The following CACNB4 variants were observed in gnomAD, a reference collection of about 807,000 sequenced individuals.
CACNB4 encodes calcium voltage-gated channel auxiliary subunit beta 4.
Under a neutral mutation model 71.2 loss-of-function variants are expected in CACNB4, and 32 were observed. The observed-to-expected ratio is 0.45, with a 90% confidence interval of 0.34 to 0.60. The LOEUF (loss-of-function observed/expected upper bound fraction) is 0.60, where lower values mean the gene tolerates loss of function less well. Among genes scored for constraint, CACNB4 ranks in the 20% least tolerant of loss-of-function variants. The pLI, the probability that CACNB4 is intolerant of heterozygous loss-of-function variation, is 0.01. For synonymous variants in CACNB4, 231 were observed against 236.9 expected (o/e 0.97, Z 0.23); for missense variants, 464 against 647.9 (o/e 0.72, Z 3.08).
chr2:151,971,506 G>C, intron 2 of CACNB4: 1 of 702,618 alleles, frequency 1.4e-6, no homozygotes. Flanking sequence ...GACCTGTTCC[G>C]AGAGCTCTGC....
At chr2:152,046,888 T>C (rs1335728027) in intron 2 of CACNB4, among the ~76,000 whole-genome samples, 1 of 152,150 alleles carries the variant, frequency 6.6e-6, no homozygotes, top group African/African-American at 2.4e-5. Flanking sequence ...TCTCTGACTA[T>C]CCTGGGCTAT....
intron 9 of CACNB4, among the ~76,000 whole-genome samples, chr2:151,865,156 C>T (rs2099842751): frequency 6.6e-6 from 1 of 152,162 alleles, no homozygotes; most frequent in South Asian, 2.1e-4. Flanking sequence ...TGTTCTTTTT[C>T]CATTTGTTGA....
chr2:151,955,715 G>A (rs1159545504), intron 2 of CACNB4, among the ~76,000 whole-genome samples: 6 of 152,074 alleles, frequency 3.9e-5, no homozygotes, highest in East Asian at 1.9e-4. Context: ...AACCAGCCCC[G>A]GCAACATAGT....
chr2:151,881,323 G>T (rs1015264961), intron 3 of CACNB4, among the ~76,000 whole-genome samples: 3 of 152,096 alleles, frequency 2.0e-5, no homozygotes, highest in African/African-American at 7.2e-5. Flanking sequence ...AAAAAGGTGG[G>T]AAGAGGATAA....
At chr2:151,884,683 T>C (rs1446975324) in intron 2 of CACNB4, among the ~76,000 whole-genome samples, 4 of 148,392 alleles carry the variant, frequency 2.7e-5, no homozygotes, top group African/African-American at 9.9e-5. Context: ...GTCTGACTGA[T>C]GTGGCGAAGT....
At chr2:151,955,535 T>C (rs2099868040) in intron 2 of CACNB4, among the ~76,000 whole-genome samples, 1 of 152,136 alleles carries the variant, frequency 6.6e-6, no homozygotes, top group Non-Finnish European at 1.5e-5. Flanking sequence ...ATGGGGCAGA[T>C]GCTGCTATGG....
chr2:152,081,488 A>G (rs1464606188), intron 2 of CACNB4, among the ~76,000 whole-genome samples: 2 of 152,048 alleles, frequency 1.3e-5, no homozygotes, highest in Non-Finnish European at 2.9e-5. Context: ...CCTGTCAATA[A>G]AAAAGAAAAA....
intron 2 of CACNB4, among the ~76,000 whole-genome samples, chr2:151,920,184 T>A (rs1324576774): frequency 1.3e-5 from 2 of 152,202 alleles, no homozygotes; most frequent in Non-Finnish European, 2.9e-5. Flanking sequence ...ATAGAACAAT[T>A]TCTATTTCTA....
chr2:151,923,810 G>A (rs2099859540), intron 2 of CACNB4, among the ~76,000 whole-genome samples: 1 of 152,088 alleles, frequency 6.6e-6, no homozygotes, highest in Non-Finnish European at 1.5e-5. Flanking sequence ...GTTTCCTCAC[G>A]ACTAAAATGT....
intron 2 of CACNB4, among the ~76,000 whole-genome samples, chr2:152,035,068 C>G (rs1227622719): frequency 6.6e-6 from 1 of 152,170 alleles, no homozygotes; most frequent in Non-Finnish European, 1.5e-5. Context: ...TAATCCAATG[C>G]CCTTCAAAAT....
intron 2 of CACNB4, among the ~76,000 whole-genome samples, chr2:151,998,542 G>A (rs1283796323): frequency 6.6e-6 from 1 of 152,044 alleles, no homozygotes; most frequent in African/African-American, 2.4e-5. Flanking sequence ...AGTGCCATTT[G>A]CCTCACAAGA....
intron 2 of CACNB4, among the ~76,000 whole-genome samples, chr2:152,067,393 G>A (rs550315065): frequency 8.8e-4 from 130 of 146,930 alleles, no homozygotes; most frequent in Non-Finnish European, 1.6e-3. Context: ...GTGTGTGGGG[G>A]GGGGGGTGCC....
chr2:151,860,393 T>TGA, intron 10 of CACNB4: 1 of 366,002 alleles, frequency 2.7e-6, no homozygotes, highest in Non-Finnish European at 5.0e-6. Flanking sequence ...ATGACAGATA[T>TGA]CATTAGCCTT....
At chr2:151,973,832 C>T (rs1193171665) in intron 2 of CACNB4, 2 of 1,504,808 alleles carry the variant, frequency 1.3e-6, no homozygotes, top group African/African-American at 2.8e-5. Context: ...CTTATCAATT[C>T]CTGTGGATTT....
At chr2:152,073,992 G>T (rs114249992) in intron 2 of CACNB4, among the ~76,000 whole-genome samples, 131 of 152,274 alleles carry the variant, frequency 8.6e-4, no homozygotes, top group African/African-American at 3.1e-3. Flanking sequence ...ATTGTCCAGG[G>T]TCAAAGGCTG....
intron 2 of CACNB4, among the ~76,000 whole-genome samples, chr2:152,035,007 G>T (rs1490652575): frequency 6.6e-6 from 1 of 152,210 alleles, no homozygotes; most frequent in African/African-American, 2.4e-5. Flanking sequence ...GCTGTTAAAT[G>T]AACAAATTCC....
At position 152,029,485 on chromosome 2, in the gene CACNB4, C is replaced by A. The variant is rs1207457573; in HGVS notation, c.147+68845G>T. Among the ~76,000 whole-genome samples, 6 of 94,386 alleles carry A rather than the reference C, an allele frequency of 6.4e-5. No homozygotes were observed. In the Admixed American group the frequency reaches 7.4e-4, roughly 12 times the overall value. The allele number at this position is 94,386 out of a possible 152,430, so 61.9% of individuals were successfully genotyped here. On this transcript the variant is annotated intron_variant, in intron 2 of 13. Transcript: ENST00000539935. ...CTCTAGCCTGGGCAACAGAGCGAGA[C>A]TCGATCTCAAAAAAAAAAAAAAAAA... is the stretch of plus-strand genomic sequence containing the variant.
At chr2:152,057,499 A>G (rs1685785674) in intron 2 of CACNB4, among the ~76,000 whole-genome samples, 1 of 152,214 alleles carries the variant, frequency 6.6e-6, no homozygotes, top group Non-Finnish European at 1.5e-5. Context: ...GACTTTATTC[A>G]TGGGCTAGGG....
At chr2:151,870,462 G>T in intron 8 of CACNB4, 69 bp downstream of exon 8, 1 of 1,293,134 alleles carries the variant, frequency 7.7e-7, no homozygotes, top group Non-Finnish European at 1.1e-6. Context: ...CCCTTGAGGA[G>T]CAAGCGTCAA....
Sources: allele counts gnomAD v4.1 joint callset (sites outside exome capture counted in the v4.1 genomes callset), GRCh38; gene constraint gnomAD v4.1.1; transcripts MANE v1.5; gene names NCBI Gene and HGNC (gene_info 2026-07-23, HGNC 2026-07-21).